ZNF385B: variants seen among roughly 807,000 people sequenced by gnomAD.
ZNF385B encodes zinc finger protein 533.
ZNF385B carries 23 observed loss-of-function variants against 39.2 expected under a neutral mutation model. The ratio of observed to expected loss-of-function variants is 0.59; its 90% CI spans 0.42 to 0.83. The LOEUF (loss-of-function observed/expected upper bound fraction) is 0.83. Among genes scored for constraint, ZNF385B ranks in the 40% least tolerant of loss-of-function variants. The pLI is 0.00. For synonymous variants in ZNF385B, 205 were observed against 222.6 expected, an observed-to-expected ratio of 0.92 and a Z score of 0.70; for missense variants, 552 against 598.9, an observed-to-expected ratio of 0.92 and a Z score of 0.82.
chr2:179,576,305 A>C, intron 3 of ZNF385B: 1 of 416,756 alleles, frequency 2.4e-6, no homozygotes, highest in Non-Finnish European at 3.2e-6. Flanking sequence ...TCCTCTACTT[A>C]GAATCCTTTT....
At chr2:179,464,154 G>A (rs2051696757) in intron 6 of ZNF385B, among the ~76,000 whole-genome samples, 1 of 152,128 alleles carries the variant, frequency 6.6e-6, no homozygotes, top group Non-Finnish European at 1.5e-5. Flanking sequence ...GACTTCTTTT[G>A]AGAAGTGTCT....
chr2:179,458,964 T>C (rs936170584), intron 6 of ZNF385B, among the ~76,000 whole-genome samples: 4 of 152,228 alleles, frequency 2.6e-5, no homozygotes, highest in African/African-American at 9.6e-5. Context: ...CTGTCTTTTG[T>C]TACAGGGATC....
rs144447301 is a variant in ZNF385B, at chr2:179,859,885, G to C, written c.-155+1216C>G. ...TAAGATTAAAGGACTCTGAAAACCA[G>C]TGAAATTTGGCCTTGGAACATTTAA... On this transcript the variant is annotated intron_variant, in intron 1 of 9. Coordinates refer to ENST00000410066, the MANE Select transcript of ZNF385B (RefSeq NM_152520.6). Among the ~76,000 whole-genome samples, 257 of 152,288 alleles carry C rather than the reference G, an allele frequency of 1.7e-3. 1 individual carries two copies. Among genetic ancestry groups the C allele is most frequent in the African/African-American group, 5.6e-3 (232 of 41,554 alleles).
chr2:179,521,193 T>C (rs1574581783), intron 4 of ZNF385B, among the ~76,000 whole-genome samples: 1 of 108,604 alleles, frequency 9.2e-6, no homozygotes, highest in Non-Finnish European at 2.0e-5. Flanking sequence ...TTTTTGTTTT[T>C]GTTTTTGTTT....
chr2:179,492,746 A>G (rs535185035), intron 5 of ZNF385B, among the ~76,000 whole-genome samples: 65 of 152,268 alleles, frequency 4.3e-4, no homozygotes, highest in African/African-American at 1.5e-3. Flanking sequence ...CAATTACTAA[A>G]ACCTAGAAGA....
chr2:179,771,588 T>C (rs968375213), intron 1 of ZNF385B, among the ~76,000 whole-genome samples: 3 of 152,186 alleles, frequency 2.0e-5, no homozygotes, highest in Admixed American at 1.3e-4. Context: ...CTACAGAAAA[T>C]AATTCAGCTA....
chr2:179,487,319 T>G (rs771785591), intron 5 of ZNF385B, among the ~76,000 whole-genome samples: 2 of 152,166 alleles, frequency 1.3e-5, no homozygotes, highest in East Asian at 1.9e-4. Context: ...TTGGGAAAAA[T>G]GGAGTGGAAG....
chr2:179,815,061 A>G (rs892731824), intron 1 of ZNF385B, among the ~76,000 whole-genome samples: 2 of 152,184 alleles, frequency 1.3e-5, no homozygotes, highest in African/African-American at 2.4e-5. Flanking sequence ...GTCTAGTTAG[A>G]CGGGAATACA....
chr2:179,619,658 A>C (rs569545102), intron 3 of ZNF385B, among the ~76,000 whole-genome samples: 1 of 152,336 alleles, frequency 6.6e-6, no homozygotes, highest in South Asian at 2.1e-4. Flanking sequence ...CTCCCTATGC[A>C]GTCACTGAAA....
intron 1 of ZNF385B, among the ~76,000 whole-genome samples, chr2:179,847,915 A>C (rs1164526103): frequency 6.6e-6 from 1 of 151,886 alleles, no homozygotes; most frequent in Non-Finnish European, 1.5e-5. Context: ...CTACTTCAAC[A>C]AAGAAGCCTA....
At chr2:179,570,325 A>G (rs1289884037) in intron 3 of ZNF385B, among the ~76,000 whole-genome samples, 1 of 152,174 alleles carries the variant, frequency 6.6e-6, no homozygotes, top group Non-Finnish European at 1.5e-5. Context: ...AAAAATCTGT[A>G]CATTTCTGTG....
chr2:179,856,219 G>A (rs1377616976), intron 1 of ZNF385B, among the ~76,000 whole-genome samples: 1 of 152,092 alleles, frequency 6.6e-6, no homozygotes, highest in African/African-American at 2.4e-5. Context: ...TCTTCAATTA[G>A]TGCTAGAATA....
At chr2:179,614,771 C>T (rs532786122) in intron 3 of ZNF385B, among the ~76,000 whole-genome samples, 37 of 152,296 alleles carry the variant, frequency 2.4e-4, no homozygotes, top group Non-Finnish European at 5.0e-4. Context: ...GTGAAGTATG[C>T]TTAAGATCCA....
At chr2:179,809,003 G>A (rs1463199502) in intron 1 of ZNF385B, among the ~76,000 whole-genome samples, 1 of 152,160 alleles carries the variant, frequency 6.6e-6, no homozygotes, top group East Asian at 1.9e-4. Context: ...TAGAGAATTG[G>A]TAGTTTCTCC....
chr2:179,755,259 T>A (rs1318145411), intron 3 of ZNF385B, among the ~76,000 whole-genome samples: 4 of 152,238 alleles, frequency 2.6e-5, no homozygotes, highest in African/African-American at 9.6e-5. Context: ...AGTTTCTTAA[T>A]CCTGAATTCT....
intron 3 of ZNF385B, among the ~76,000 whole-genome samples, chr2:179,689,667 C>T (rs1458709990): frequency 2.0e-5 from 3 of 152,096 alleles, no homozygotes; most frequent in African/African-American, 7.2e-5. Context: ...TGCACTGTGC[C>T]CAGGAGACTG....
chr2:179,788,726 G>C (rs994498551), intron 1 of ZNF385B, among the ~76,000 whole-genome samples: 1 of 152,184 alleles, frequency 6.6e-6, no homozygotes. Flanking sequence ...ATCCGAGACT[G>C]TTCAGAAGAG....
chr2:179,725,646 T>C (rs139075738), intron 3 of ZNF385B, among the ~76,000 whole-genome samples: 3 of 151,168 alleles, frequency 2.0e-5, no homozygotes, highest in African/African-American at 4.8e-5. Context: ...CAGTGTGAAA[T>C]TGACAAGAAA....
intron 3 of ZNF385B, among the ~76,000 whole-genome samples, chr2:179,731,874 G>A (rs1032841855): frequency 1.3e-5 from 2 of 152,206 alleles, no homozygotes; most frequent in Non-Finnish European, 1.5e-5. Context: ...GTGCACACCA[G>A]GCCCTCTGCA....
Sources: allele counts gnomAD v4.1 joint callset (sites outside exome capture counted in the v4.1 genomes callset), GRCh38; gene constraint gnomAD v4.1.1; transcripts MANE v1.5; gene names NCBI Gene and HGNC (gene_info 2026-07-23, HGNC 2026-07-21).